AGBL4: variants seen among roughly 807,000 people sequenced by gnomAD.
AGBL4 encodes the protein cytosolic carboxypeptidase 6.
Under a neutral mutation model 66.4 loss-of-function variants are expected in AGBL4, and 58 were observed. The ratio of observed to expected loss-of-function variants is 0.87; its 90% CI spans 0.71 to 1.09. The LOEUF is 1.09. Among genes scored for constraint, AGBL4 ranks in the 50% least tolerant of loss-of-function variants. AGBL4 has a pLI of 0.00. For missense variants in AGBL4, 579 were observed against 631.0 expected (o/e 0.92, Z 0.88); for synonymous variants, 234 against 222.9 (o/e 1.05, Z -0.44).
At chr1:48,596,407 C>G (rs1644995034) in intron 9 of AGBL4, among the ~76,000 whole-genome samples, 1 of 151,950 alleles carries the variant, frequency 6.6e-6, no homozygotes, top group South Asian at 2.1e-4. Flanking sequence ...GGGACTGAGA[C>G]AAAAAAGCCC....
At chr1:49,465,328 T>C (rs1331333342) in intron 3 of AGBL4, among the ~76,000 whole-genome samples, 2 of 151,430 alleles carry the variant, frequency 1.3e-5, no homozygotes, top group South Asian at 2.1e-4. Context: ...TCCTATACTT[T>C]CTATACTAAC....
At chr1:49,661,691 C>T (rs1646272555) in intron 3 of AGBL4, among the ~76,000 whole-genome samples, 1 of 152,078 alleles carries the variant, frequency 6.6e-6, no homozygotes, top group African/African-American at 2.4e-5. Context: ...AAGAGACACG[C>T]ACATCTATCA....
intron 3 of AGBL4, among the ~76,000 whole-genome samples, chr1:49,645,602 T>C (rs973592084): frequency 6.6e-6 from 1 of 151,374 alleles, no homozygotes; most frequent in South Asian, 2.1e-4. Flanking sequence ...ATTAGTGAAG[T>C]CTTTCAAATA....
intron 3 of AGBL4, among the ~76,000 whole-genome samples, chr1:49,573,383 C>A (rs1387975424): frequency 2.6e-5 from 4 of 152,000 alleles, no homozygotes; most frequent in Non-Finnish European, 5.9e-5. Context: ...CACTGATAGT[C>A]CTTGACATGA....
chr1:48,540,259 C>A (rs1456525304), intron 11 of AGBL4, among the ~76,000 whole-genome samples: 1 of 152,170 alleles, frequency 6.6e-6, no homozygotes, highest in African/African-American at 2.4e-5. Flanking sequence ...TCCCACTGCA[C>A]CTTGAAATTC....
At chr1:49,563,155 A>G (rs1337082506) in intron 3 of AGBL4, among the ~76,000 whole-genome samples, 9 of 151,726 alleles carry the variant, frequency 5.9e-5, no homozygotes, top group Non-Finnish European at 8.8e-5. Context: ...TTGCACATTG[A>G]TTTTGTATCC....
At chr1:49,189,258 TTC>T (rs1322049015) in intron 4 of AGBL4, among the ~76,000 whole-genome samples, 4 of 152,330 alleles carry the variant, frequency 2.6e-5, no homozygotes. Flanking sequence ...AGAGTAATCT[TTC>T]TCCTCTTATA....
At chr1:48,836,663 G>A (rs970960826) in intron 6 of AGBL4, among the ~76,000 whole-genome samples, 3 of 152,088 alleles carry the variant, frequency 2.0e-5, no homozygotes, top group African/African-American at 7.2e-5. Context: ...TGCCTTGGAT[G>A]ATGATAATGA....
At chr1:49,718,520 AAAAG>A (rs1054378307) in intron 2 of AGBL4, among the ~76,000 whole-genome samples, 96 of 152,232 alleles carry the variant, frequency 6.3e-4, no homozygotes, top group African/African-American at 2.3e-3. Flanking sequence ...TATCTACACT[AAAAG>A]AAACATAAAC....
At chr1:49,213,712 A>G (rs1398387221) in intron 4 of AGBL4, among the ~76,000 whole-genome samples, 1 of 152,108 alleles carries the variant, frequency 6.6e-6, no homozygotes, top group Non-Finnish European at 1.5e-5. Context: ...AGCCTAATAT[A>G]ATATACAAGA....
intron 2 of AGBL4, among the ~76,000 whole-genome samples, chr1:49,741,126 A>G (rs1313066860): frequency 1.3e-5 from 2 of 152,184 alleles, no homozygotes; most frequent in East Asian, 3.8e-4. Flanking sequence ...GTTTTTCGAA[A>G]GGATCAACAA....
At chr1:49,816,480 C>T (rs1273435593) in intron 2 of AGBL4, among the ~76,000 whole-genome samples, 2 of 152,092 alleles carry the variant, frequency 1.3e-5, no homozygotes, top group African/African-American at 2.4e-5. Context: ...AGATTTTATC[C>T]AGCGATTGGT....
intron 1 of AGBL4, among the ~76,000 whole-genome samples, chr1:50,014,925 T>C (rs781578388): frequency 6.6e-6 from 1 of 152,210 alleles, no homozygotes; most frequent in Non-Finnish European, 1.5e-5. Context: ...GAAGAATTCA[T>C]TGGTTTTTAT....
At chr1:48,816,355 T>C (rs1037627514) in intron 6 of AGBL4, among the ~76,000 whole-genome samples, 6 of 152,298 alleles carry the variant, frequency 3.9e-5, no homozygotes, top group African/African-American at 7.2e-5. Flanking sequence ...CATCCTTTTA[T>C]GGCAGAACAG....
intron 6 of AGBL4, chr1:48,759,116 C>T: frequency 6.8e-6 from 11 of 1,612,378 alleles, no homozygotes; most frequent in African/African-American, 1.3e-5. Context: ...CGGGGCACCA[C>T]AGCATCTTCT....
intron 3 of AGBL4, among the ~76,000 whole-genome samples, chr1:49,667,749 T>C (rs1163708077): frequency 6.6e-6 from 1 of 152,122 alleles, no homozygotes; most frequent in Non-Finnish European, 1.5e-5. Context: ...TAACTTTGTA[T>C]ATGTAAAAGC....
chr1:48,704,490 T>C lies in AGBL4; in HGVS notation c.635-41249A>G, dbSNP rs1029281231. 2.0e-4 allele frequency among the ~76,000 whole-genome samples: 31 copies of C among 152,348 alleles called. No homozygotes were observed. In the Middle Eastern group the frequency reaches 0.01, roughly 50 times the overall value. On this transcript the variant is annotated intron_variant, in intron 6 of 13. Coordinates refer to ENST00000371839, the MANE Select transcript of AGBL4 (RefSeq NM_032785.4). ...ACACTTAGCTTAAAATACAAACACATTGTACTCCTGTACAAAAATACTTTC... is the reference window on the plus strand; with the variant it reads ...ACACTTAGCTTAAAATACAAACACACTGTACTCCTGTACAAAAATACTTTC...
At chr1:49,692,515 G>A (rs1286217705) in intron 3 of AGBL4, among the ~76,000 whole-genome samples, 4 of 151,980 alleles carry the variant, frequency 2.6e-5, no homozygotes, top group East Asian at 1.9e-4. Context: ...TCAGGAGATC[G>A]AGACCATCCT....
chr1:48,981,131 TCATAGA>T (rs1244678782), intron 5 of AGBL4, among the ~76,000 whole-genome samples: 1 of 152,134 alleles, frequency 6.6e-6, no homozygotes, highest in Non-Finnish European at 1.5e-5. Context: ...TTTCCTTCAG[TCATAGA>T]CATAGCAACA....
Sources: allele counts gnomAD v4.1 joint callset (sites outside exome capture counted in the v4.1 genomes callset), GRCh38; gene constraint gnomAD v4.1.1; transcripts MANE v1.5; gene names NCBI Gene and HGNC (gene_info 2026-07-23, HGNC 2026-07-21).